Variants in NAV1 observed in about 807,000 individuals in gnomAD.
The protein encoded by NAV1 is neuron navigator 1, also known as pore membrane and/or filament interacting like protein 3.
Under a neutral mutation model 175.2 loss-of-function variants are expected in NAV1, and 18 were observed. The observed-to-expected ratio is 0.10, with a 90% CI of 0.07 to 0.15. The LOEUF (loss-of-function observed/expected upper bound fraction) is 0.15, where lower values mean the gene tolerates loss of function less well. NAV1 is among the 10% of genes least tolerant of loss of function. The pLI, the probability that NAV1 is intolerant of heterozygous loss-of-function variation, is 1.00. For missense variants in NAV1, 1,731 were observed against 2,436.6 expected, an observed-to-expected ratio of 0.71 and a Z score of 6.10; for synonymous variants, 897 against 978.7, an observed-to-expected ratio of 0.92 and a Z score of 1.56.
At chr1:201,658,612 T>C (rs548136466) in intron 1 of NAV1, among the ~76,000 whole-genome samples, 283 of 152,152 alleles carry the variant, frequency 1.9e-3, no homozygotes, top group Non-Finnish European at 3.5e-3. Context: ...TCATGGCTGA[T>C]CCGACATGGA....
chr1:201,585,622 A>C (rs1431054433), intron 1 of NAV1, among the ~76,000 whole-genome samples: 2 of 122,722 alleles, frequency 1.6e-5, no homozygotes, highest in African/African-American at 5.1e-5. Context: ...TAACAATGAC[A>C]AAAAAAACTG....
intron 1 of NAV1, among the ~76,000 whole-genome samples, chr1:201,556,886 G>C (rs778917960): frequency 2.6e-5 from 4 of 152,176 alleles, no homozygotes; most frequent in Non-Finnish European, 1.5e-5. Flanking sequence ...TGTTCCCCCT[G>C]TAAAAACAGG....
intron 1 of NAV1, among the ~76,000 whole-genome samples, chr1:201,582,979 T>C (rs1215579430): frequency 6.6e-6 from 1 of 152,238 alleles, no homozygotes; most frequent in African/African-American, 2.4e-5. Flanking sequence ...CCCCTAGTCT[T>C]TGGAGAGGCT....
At chr1:201,629,475 T>C (rs1668426378) in exon 2 of NAV1, 2 of 1,304,136 alleles carry the variant, frequency 1.5e-6, no homozygotes, top group Non-Finnish European at 2.0e-6. Flanking sequence ...GCTGAGCCCC[T>C]CCATGAGACT....
chr1:201,760,191 C>A (rs1172085004), intron 3 of NAV1, among the ~76,000 whole-genome samples: 1 of 152,140 alleles, frequency 6.6e-6, no homozygotes, highest in Non-Finnish European at 1.5e-5. Flanking sequence ...GGTGGCTGGG[C>A]ATGGTGGTTC....
rs967336794 is a variant in NAV1, at chr1:201,782,335, A to G, written c.1823A>G (p.Lys608Arg). Residue 608 changes from lysine to arginine, a missense_variant, in exon 6 of 30, where the codon AAG becomes AGG. Lys to Arg is a conservative substitution (Grantham distance 26, BLOSUM62 2). Transcript: ENST00000367296. This position sits in a 1 kb window ranked among gnomAD's most constrained non-coding sequence, Gnocchi z 5.4. Reference sequence around the variant, plus strand: ...TCCACTTCGGGATCCTTTGGCTACAAGAAGCCTCCTCCTGCCACAGGCACA... The same window carrying G: ...TCCACTTCGGGATCCTTTGGCTACAGGAAGCCTCCTCCTGCCACAGGCACA... 6.2e-7 allele frequency: 1 copy of G among 1,614,058 alleles called. No individual in the cohort carries two copies. The highest frequency in any genetic ancestry group is 8.5e-7 in the Non-Finnish European group (1 of 1,180,046).
intron 3 of NAV1, among the ~76,000 whole-genome samples, chr1:201,763,506 G>C (rs1397178326): frequency 6.6e-6 from 1 of 152,162 alleles, no homozygotes; most frequent in Non-Finnish European, 1.5e-5. Context: ...TGTGAAAGAA[G>C]TACAGGAGGG....
Position 201,813,041 on chromosome 1 carries a change from C to T in NAV1, c.5222-99C>T. 1 of 841,730 alleles carries T rather than the reference C, an allele frequency of 1.2e-6. No individual in the cohort carries two copies. Among genetic ancestry groups the T allele is most frequent in the Non-Finnish European group, 1.9e-6 (1 of 519,784 alleles). 52.1% of individuals were successfully genotyped at this position (841,730 alleles called of 1,614,324 possible). ...CTCTAAATTTCCTTTAATCCTTTGA[C>T]TGTCAGACCCCTCTGCCTGGTACTA... is the stretch of plus-strand genomic sequence containing the variant. On this transcript the variant is annotated intron_variant, in intron 27 of 29. Coordinates refer to ENST00000367296, the Ensembl canonical transcript of NAV1. This position sits in a 1 kb window ranked among gnomAD's most constrained non-coding sequence, Gnocchi z 4.2.
At chr1:201,703,386 G>A (rs1178851969) in intron 1 of NAV1, among the ~76,000 whole-genome samples, 1 of 152,172 alleles carries the variant, frequency 6.6e-6, no homozygotes, top group African/African-American at 2.4e-5. Flanking sequence ...GAATATGTTC[G>A]AGAGTCTGCT....
intron 1 of NAV1, among the ~76,000 whole-genome samples, chr1:201,707,235 C>T (rs1468864800): frequency 1.3e-5 from 2 of 152,156 alleles, no homozygotes; most frequent in East Asian, 3.9e-4. Flanking sequence ...GGGTGTGCAC[C>T]ACGCCCATCA....
intron 2 of NAV1, among the ~76,000 whole-genome samples, chr1:201,715,515 A>G (rs1314464339): frequency 1.3e-5 from 2 of 152,124 alleles, no homozygotes; most frequent in Non-Finnish European, 2.9e-5. Context: ...TTAGCCCTGG[A>G]AGTAGACAGG....
intron 2 of NAV1, among the ~76,000 whole-genome samples, chr1:201,610,440 T>G (rs937852061): frequency 4.5e-4 from 68 of 152,270 alleles, no homozygotes; most frequent in African/African-American, 1.6e-3. Context: ...AACCAGGAAG[T>G]GAACTTGGAT....
intron 3 of NAV1, among the ~76,000 whole-genome samples, chr1:201,728,537 T>C (rs1672708898): frequency 6.9e-6 from 1 of 145,250 alleles, no homozygotes; most frequent in Admixed American, 7.3e-5. Context: ...GAGCTTGCAG[T>C]GAGCTGAGAT....
At chr1:201,541,937 C>T (rs1665528021) in intron 1 of NAV1, among the ~76,000 whole-genome samples, 1 of 152,150 alleles carries the variant, frequency 6.6e-6, no homozygotes, top group Non-Finnish European at 1.5e-5. Context: ...TTTTTGCCTT[C>T]CTATTTCCAA....
At chr1:201,768,499 G>A (rs567910733) in intron 3 of NAV1, among the ~76,000 whole-genome samples, 23 of 151,896 alleles carry the variant, frequency 1.5e-4, no homozygotes, top group South Asian at 6.3e-4. Flanking sequence ...TTAGCCAGGC[G>A]CAGTGGTGCG....
chr1:201,568,093 A>G (rs1207741365), intron 1 of NAV1, among the ~76,000 whole-genome samples: 1 of 152,140 alleles, frequency 6.6e-6, no homozygotes, highest in Non-Finnish European at 1.5e-5. Flanking sequence ...CTAAGGAGTA[A>G]TTGGAGTGCG....
exon 30 of NAV1, chr1:201,822,883 C>T (rs1415486053): frequency 6.6e-6 from 1 of 152,648 alleles, no homozygotes; most frequent in Non-Finnish European, 1.5e-5. Flanking sequence ...GGTGCTATAA[C>T]CCCTTGGGAC....
At chr1:201,748,227 T>A (rs1044428999) in intron 3 of NAV1, among the ~76,000 whole-genome samples, 14 of 152,346 alleles carry the variant, frequency 9.2e-5, no homozygotes, top group African/African-American at 3.4e-4. Flanking sequence ...GAATTAAGTG[T>A]GAAGGAGGAG....
At position 201,782,987 on chromosome 1, in the gene NAV1, A is replaced by G. The variant is rs903801235; in HGVS notation, c.2357+118A>G. ...TCCACCGTTGTCTCTAGGCCTTTGCATGGCTCTTTCCCACCTCTCCCCCAT... is the reference window on the plus strand; with the variant it reads ...TCCACCGTTGTCTCTAGGCCTTTGCGTGGCTCTTTCCCACCTCTCCCCCAT... On this transcript the variant is annotated intron_variant, in intron 6 of 29. Coordinates refer to ENST00000367296, the Ensembl canonical transcript of NAV1. This position sits in a 1 kb window ranked among gnomAD's most constrained non-coding sequence, Gnocchi z 5.4. The G allele has an allele frequency of 1.2e-5, 10 of 844,408 alleles. No individual in the cohort carries two copies. The highest frequency in any genetic ancestry group is 1.8e-5 in the Non-Finnish European group (10 of 553,106). The allele number at this position is 844,408 out of a possible 1,614,324, so 52.3% of individuals were successfully genotyped here. A position where few individuals can be genotyped will look rare whatever the true frequency, so the allele number is the denominator to read the frequency against.
Sources: allele counts gnomAD v4.1 joint callset (sites outside exome capture counted in the v4.1 genomes callset), GRCh38; gene constraint gnomAD v4.1.1; non-coding constraint Gnocchi (gnomAD v3.1); transcripts MANE v1.5; gene names NCBI Gene and HGNC (gene_info 2026-07-23, HGNC 2026-07-21).